FOXK1: variants seen among roughly 807,000 people sequenced by gnomAD.
The protein encoded by FOXK1 is forkhead box K1.
In FOXK1, 19 loss-of-function variants were observed where a neutral mutation model predicts 51.9. That is an observed-to-expected ratio of 0.37 (90% CI 0.26 to 0.54). The LOEUF is 0.54. Ranked by LOEUF, FOXK1 falls within the 20% of genes least tolerant of loss-of-function variation. The probability of loss-of-function intolerance (pLI) is 0.87; values close to 1 mark genes in which losing one functional copy is unlikely to be tolerated. For missense variants in FOXK1, 870 were observed against 1,032.7 expected (o/e 0.84, Z 2.16); for synonymous variants, 537 against 482.6 (o/e 1.11, Z -1.48).
At chr7:4,684,057 G>A (rs1165668021) in intron 1 of FOXK1, among the ~76,000 whole-genome samples, 3 of 152,224 alleles carry the variant, frequency 2.0e-5, no homozygotes, top group South Asian at 2.1e-4. Context: ...GTAGCATCCC[G>A]TGGTCACCTC....
intron 1 of FOXK1, among the ~76,000 whole-genome samples, chr7:4,721,333 C>T (rs1438774721): frequency 1.3e-5 from 2 of 152,184 alleles, no homozygotes; most frequent in Non-Finnish European, 2.9e-5. Flanking sequence ...TGTGTCGCTG[C>T]AGCCCATAAT....
At position 4,764,112 on chromosome 7, in the gene FOXK1, GAGAACACTTTTCAA is replaced by G. The variant is rs1780975043; in HGVS notation, c.*1651_*1664del. 1.3e-5 allele frequency: 2 copies of G among 152,494 alleles called. No homozygotes were observed. Among genetic ancestry groups the G allele is most frequent in the African/African-American group, 4.8e-5 (2 of 41,446 alleles). The allele number at this position is 152,494 out of a possible 1,614,324, so 9.4% of individuals were successfully genotyped here. On this transcript the variant is annotated 3_prime_UTR_variant, in exon 9 of 9. Transcript: ENST00000328914. ...ACAGGTGTCTCCCTGAAGAAGAAGG[GAGAACACTTTTCAA>G]AGTGATTCCGAGGCAGTGCGGGAGG...
intron 1 of FOXK1, among the ~76,000 whole-genome samples, chr7:4,705,966 A>ACGTG (rs755840632): frequency 2.8e-5 from 2 of 72,064 alleles, no homozygotes; most frequent in Non-Finnish European, 2.6e-5. Flanking sequence ...ATATGTATAT[A>ACGTG]TATATACGTA....
In FOXK1 at chr7:4,753,665, C is replaced by A. The variant is rs903896291; in HGVS notation, c.747-794C>A. On this transcript the variant is annotated intron_variant, in intron 2 of 8. Transcript: ENST00000328914. The surrounding 1 kb of genome is among the most constrained non-coding windows in gnomAD (Gnocchi z 4.9). ...TTCTCTGAATACCTGTAATAGAAAT[C>A]ATTTTCAGAAGCAAAACATCGCCGT... 6.6e-6 allele frequency among the ~76,000 whole-genome samples: 1 copy of A among 152,212 alleles called. No individual in the cohort carries two copies. Among genetic ancestry groups the A allele is most frequent in the Non-Finnish European group, 1.5e-5 (1 of 68,036 alleles).
Position 4,764,563 on chromosome 7 carries a change from CG to C in FOXK1, c.*2105del, listed in dbSNP as rs996843844. On this transcript the variant is annotated 3_prime_UTR_variant, in exon 9 of 9. Transcript: ENST00000328914. ...TGTGTGCGTGCATGGCGTGAGAGAA[CG>C]GGGGGTGGGGGTTGGAGGTGGCTCC... The C allele has an allele frequency of 1.3e-5, 2 of 153,090 alleles. No homozygotes were observed. The highest frequency in any genetic ancestry group is 2.4e-5 in the African/African-American group (1 of 41,432). The allele number at this position is 153,090 out of a possible 1,614,324, so 9.5% of individuals were successfully genotyped here. A position where few individuals can be genotyped will look rare whatever the true frequency, so the allele number is the denominator to read the frequency against.
At chr7:4,694,876 T>C (rs1779933735) in intron 1 of FOXK1, among the ~76,000 whole-genome samples, 1 of 152,320 alleles carries the variant, frequency 6.6e-6, no homozygotes, top group South Asian at 2.1e-4. Context: ...GTCGTCTACC[T>C]TCCCAGAAAT....
chr7:4,741,948 C>T (rs1780639275), intron 2 of FOXK1, among the ~76,000 whole-genome samples: 1 of 152,360 alleles, frequency 6.6e-6, no homozygotes, highest in Non-Finnish European at 1.5e-5. Context: ...CAAAAACAGA[C>T]GTGTACTTGA....
intron 2 of FOXK1, 29 bp from the exon 3 acceptor site, chr7:4,754,430 G>C: frequency 1.2e-6 from 2 of 1,606,430 alleles, no homozygotes; most frequent in Non-Finnish European, 1.7e-6. Flanking sequence ...TCAGAGCCAT[G>C]AACTTACAGT....
chr7:4,690,892 C>G (rs1326433129), intron 1 of FOXK1, among the ~76,000 whole-genome samples: 1 of 152,050 alleles, frequency 6.6e-6, no homozygotes, highest in South Asian at 2.1e-4. Context: ...TGCCTCATTT[C>G]CATAATTACC....
Position 4,709,566 on chromosome 7 carries a change from A to T in FOXK1, c.560+26698A>T, listed in dbSNP as rs1036196604. ...GACCTTCTCCGGGAGCCCTGTGCACAGTTGGCTTCGCAGCAGGCCTGTGTG... is the reference window on the plus strand; with the variant it reads ...GACCTTCTCCGGGAGCCCTGTGCACTGTTGGCTTCGCAGCAGGCCTGTGTG... On this transcript the variant is annotated intron_variant, in intron 1 of 8. Transcript: ENST00000328914. This position sits in a 1 kb window ranked among gnomAD's most constrained non-coding sequence, Gnocchi z 5.6. 6.6e-6 allele frequency among the ~76,000 whole-genome samples: 1 copy of T among 152,166 alleles called. No homozygotes were observed. The highest frequency in any genetic ancestry group is 6.5e-5 in the Admixed American group (1 of 15,276).
Position 4,683,110 on chromosome 7 carries a change from TC to T in FOXK1, c.560+246del, listed in dbSNP as rs1315426258. Among the ~76,000 whole-genome samples, 4 of 147,024 alleles carry T rather than the reference TC, an allele frequency of 2.7e-5. 1 individual carries two copies. The highest frequency in any genetic ancestry group is 6.0e-5 in the Non-Finnish European group (4 of 66,794). The stretch of plus-strand genomic sequence containing the variant: ...TCCAGCCTGAGGATCTCCTCCACTT[TC>T]CCCGGTCTGGATACCCCGTCGCCCC... On this transcript the variant is annotated intron_variant, in intron 1 of 8. Coordinates refer to ENST00000328914, the MANE Select transcript of FOXK1 (RefSeq NM_001037165.2). This position sits in a 1 kb window ranked among gnomAD's most constrained non-coding sequence, Gnocchi z 4.5.
Position 4,747,906 on chromosome 7 carries a change from T to TC in FOXK1, c.747-6551dup, listed in dbSNP as rs137879093. Among the ~76,000 whole-genome samples, 3,507 of 150,940 alleles carry TC rather than the reference T, an allele frequency of 0.023. 128 individuals are homozygous for TC. The highest frequency in any genetic ancestry group is 0.081 in the African/African-American group (3,319 of 41,010). On this transcript the variant is annotated intron_variant, in intron 2 of 8. Coordinates refer to ENST00000328914, the MANE Select transcript of FOXK1 (RefSeq NM_001037165.2). This position sits in a 1 kb window ranked among gnomAD's most constrained non-coding sequence, Gnocchi z 9.2. ...TGACACCCAGGCCGGAGTGCAGTGG[T>TC]CCGGTCACGGCTCGCTGCAGCCTCG...
intron 1 of FOXK1, among the ~76,000 whole-genome samples, chr7:4,688,549 C>T (rs1383494001): frequency 1.3e-5 from 2 of 152,106 alleles, no homozygotes; most frequent in Non-Finnish European, 2.9e-5. Context: ...GCGCTCGCCA[C>T]GACACCTGGC....
rs919380457 is a variant in FOXK1, at chr7:4,766,950, G to A, written c.*4486G>A. 6 of 152,230 alleles carry A rather than the reference G, an allele frequency of 3.9e-5. No homozygotes were observed. Among genetic ancestry groups the A allele is most frequent in the African/African-American group, 1.4e-4 (6 of 41,452 alleles). 9.4% of individuals were successfully genotyped at this position (152,230 alleles called of 1,614,324 possible). ...AAGCTTTTCCTTGGCTTTGAAATCA[G>A]TGTTTTTATGGAGACAAAGAACAGA... On this transcript the variant is annotated 3_prime_UTR_variant, in exon 9 of 9. Coordinates refer to ENST00000328914, the MANE Select transcript of FOXK1 (RefSeq NM_001037165.2). This position sits in a 1 kb window ranked among gnomAD's most constrained non-coding sequence, Gnocchi z 5.5.
chr7:4,724,974 G>A (rs1180481305), intron 1 of FOXK1, among the ~76,000 whole-genome samples: 3 of 152,246 alleles, frequency 2.0e-5, no homozygotes, highest in Non-Finnish European at 4.4e-5. Flanking sequence ...AGTGGGGACA[G>A]GGAGAGGAGA....
At position 4,683,300 on chromosome 7, in the gene FOXK1, T is replaced by C. The variant is rs111828250; in HGVS notation, c.560+432T>C. Among the ~76,000 whole-genome samples, 3,459 of 145,334 alleles carry C rather than the reference T, an allele frequency of 0.024. 138 individuals carry two copies. Among genetic ancestry groups the C allele is most frequent in the African/African-American group, 0.084 (3,257 of 38,900 alleles). On this transcript the variant is annotated intron_variant, in intron 1 of 8. Transcript: ENST00000328914. This position sits in a 1 kb window ranked among gnomAD's most constrained non-coding sequence, Gnocchi z 4.5. ...GACCCCTGACCCAGATCCCTGCTGC[T>C]CCCCAGCTCCCATCGGCCTGGACTC...
At chr7:4,725,915 T>C (rs1562380111) in intron 1 of FOXK1, among the ~76,000 whole-genome samples, 1 of 152,120 alleles carries the variant, frequency 6.6e-6, no homozygotes, top group Non-Finnish European at 1.5e-5. Context: ...GGATTCCCCA[T>C]ATTAGGAAGG....
Position 4,685,713 on chromosome 7 carries a change from C to T in FOXK1, c.560+2845C>T, listed in dbSNP as rs375619152. Among the ~76,000 whole-genome samples the T allele has an allele frequency of 4.6e-5, 7 of 151,886 alleles. No homozygotes were observed. In the South Asian group the frequency reaches 1.5e-3, roughly 32 times the overall value. On this transcript the variant is annotated intron_variant, in intron 1 of 8. Coordinates refer to ENST00000328914, the MANE Select transcript of FOXK1 (RefSeq NM_001037165.2). ...ATCTCAGCACTTTGGGAGGCCAAGGCGGGTGGATCACTTGAGTTCAGGAGT... is the reference window on the plus strand; with the variant it reads ...ATCTCAGCACTTTGGGAGGCCAAGGTGGGTGGATCACTTGAGTTCAGGAGT...
rs552635478 is a variant in FOXK1, at chr7:4,762,163, C to T, written c.1922-21C>T. ...GGTCCTAACCAGACCCCAGAGTAAC[C>T]CTCTTCTTCCTCCACTCCAGCCCTC... On this transcript the variant is annotated intron_variant, in intron 8 of 8. Coordinates refer to ENST00000328914, the MANE Select transcript of FOXK1 (RefSeq NM_001037165.2). The surrounding 1 kb of genome is among the most constrained non-coding windows in gnomAD (Gnocchi z 5.7). The T allele has an allele frequency of 8.4e-5, 129 of 1,538,976 alleles. No individual in the cohort carries two copies. Among genetic ancestry groups the T allele is most frequent in the Non-Finnish European group, 1.1e-4 (122 of 1,137,520 alleles).
Sources: gnomAD v4.1 joint callset for allele counts (sites outside exome capture counted in the v4.1 genomes callset) on GRCh38, gnomAD v4.1.1 for gene constraint, Gnocchi (gnomAD v3.1) non-coding constraint, MANE v1.5 for transcripts, NCBI Gene and HGNC (gene_info 2026-07-23, HGNC 2026-07-21) for gene names.